The following EYS variants were observed in gnomAD, a reference collection of about 807,000 sequenced individuals.
The protein encoded by EYS is protein eyes shut homolog.
In EYS, 250 loss-of-function variants were observed where a neutral mutation model predicts 282.1. The ratio of observed to expected loss-of-function variants is 0.89; its 90% confidence interval spans 0.80 to 0.98. The LOEUF (loss-of-function observed/expected upper bound fraction) is 0.98. Ranked by LOEUF, EYS falls within the 50% of genes least tolerant of loss-of-function variation. The pLI, the probability that EYS is intolerant of heterozygous loss-of-function variation, is 0.00. For missense variants in EYS, 4,016 were observed against 3,709.0 expected (o/e 1.08, Z -2.15); for synonymous variants, 1,355 against 1,282.9 (o/e 1.06, Z -1.20).
chr6:65,051,945 C>A (rs896950624), intron 13 of EYS, among the ~76,000 whole-genome samples: 37 of 151,608 alleles, frequency 2.4e-4, no homozygotes, highest in Middle Eastern at 3.4e-3. Flanking sequence ...CAGCCCTATT[C>A]CTGAAATGCA....
chr6:63,799,009 AT>A (rs1770717153), intron 37 of EYS, among the ~76,000 whole-genome samples: 4 of 131,962 alleles, frequency 3.0e-5, no homozygotes, highest in African/African-American at 1.2e-4. Context: ...ATATATATAT[AT>A]ATATATATAT....
At chr6:64,092,310 C>A (rs1199179338) in intron 31 of EYS, among the ~76,000 whole-genome samples, 4 of 152,142 alleles carry the variant, frequency 2.6e-5, no homozygotes, top group Non-Finnish European at 5.9e-5. Context: ...AGTTGTAGAT[C>A]CCTGAGGAAT....
chr6:65,191,685 C>T (rs1765645399), intron 12 of EYS, among the ~76,000 whole-genome samples: 1 of 151,778 alleles, frequency 6.6e-6, no homozygotes, highest in African/African-American at 2.4e-5. Context: ...AGAAAATCAG[C>T]TTGTACATTA....
At chr6:64,452,973 C>A (rs1164911897) in intron 26 of EYS, among the ~76,000 whole-genome samples, 1 of 152,104 alleles carries the variant, frequency 6.6e-6, no homozygotes, top group Non-Finnish European at 1.5e-5. Flanking sequence ...TCTAAAACAC[C>A]AAAAGCAATG....
chr6:64,986,321 T>C (rs1770856738), intron 14 of EYS, among the ~76,000 whole-genome samples: 1 of 151,538 alleles, frequency 6.6e-6, no homozygotes, highest in African/African-American at 2.4e-5. Context: ...AAATAAAATA[T>C]ACACATATGT....
At chr6:65,383,206 A>T (rs1277396200) in intron 8 of EYS, among the ~76,000 whole-genome samples, 1 of 152,022 alleles carries the variant, frequency 6.6e-6, no homozygotes, top group African/African-American at 2.4e-5. Flanking sequence ...ATATTTTATA[A>T]CTTTATTTAT....
intron 30 of EYS, among the ~76,000 whole-genome samples, chr6:64,299,162 A>G (rs1404717819): frequency 1.3e-5 from 2 of 152,194 alleles, no homozygotes; most frequent in African/African-American, 4.8e-5. Flanking sequence ...AAGGAATGTA[A>G]GGGAGTTTAT....
chr6:64,709,862 A>G (rs1424244464), intron 22 of EYS, among the ~76,000 whole-genome samples: 1 of 152,220 alleles, frequency 6.6e-6, no homozygotes, highest in Non-Finnish European at 1.5e-5. Flanking sequence ...TTCTTTAGGC[A>G]TATTTTCAAA....
At chr6:64,519,356 C>T (rs550910289) in intron 26 of EYS, among the ~76,000 whole-genome samples, 3 of 151,802 alleles carry the variant, frequency 2.0e-5, no homozygotes, top group East Asian at 1.9e-4. Context: ...TTGTGTAAGT[C>T]GTTGTAAGTC....
intron 2 of EYS, among the ~76,000 whole-genome samples, chr6:65,553,484 C>T (rs1405941180): frequency 6.6e-6 from 1 of 151,970 alleles, no homozygotes; most frequent in East Asian, 1.9e-4. Context: ...AAAACGAGCA[C>T]AGAGAATTCA....
chr6:63,913,107 C>G (rs547300913), intron 35 of EYS, among the ~76,000 whole-genome samples: 22 of 152,250 alleles, frequency 1.4e-4, no homozygotes, highest in Non-Finnish European at 2.6e-4. Context: ...TTTTCTCAGG[C>G]TGAACCAGGG....
At chr6:64,008,436 C>G (rs879045160) in intron 33 of EYS, among the ~76,000 whole-genome samples, 1 of 152,042 alleles carries the variant, frequency 6.6e-6, no homozygotes, top group African/African-American at 2.4e-5. Context: ...ACTGTATGCC[C>G]TTTAATTGAG....
chr6:65,556,930 A>T (rs981021066), intron 2 of EYS, among the ~76,000 whole-genome samples: 4 of 152,220 alleles, frequency 2.6e-5, no homozygotes, highest in African/African-American at 9.6e-5. Context: ...AAAAGTAGAA[A>T]ACAAATACCA....
chr6:65,290,637 A>G (rs11962476), intron 12 of EYS, among the ~76,000 whole-genome samples: 29,642 of 151,218 alleles, frequency 0.2, 3,497 homozygotes, highest in Middle Eastern at 0.27. Flanking sequence ...AATACTTTCC[A>G]TATCTTTGTA....
At chr6:64,306,256 C>A (rs1444891870) in intron 30 of EYS, among the ~76,000 whole-genome samples, 1 of 152,136 alleles carries the variant, frequency 6.6e-6, no homozygotes, top group Non-Finnish European at 1.5e-5. Context: ...GAGGAGCAAC[C>A]TCACATTGAT....
intron 22 of EYS, among the ~76,000 whole-genome samples, chr6:64,744,940 A>T (rs1772503047): frequency 1.3e-5 from 2 of 152,250 alleles, no homozygotes; most frequent in Non-Finnish European, 2.9e-5. Flanking sequence ...GTTTGTTATT[A>T]AAAACTCTGG....
At chr6:64,703,427 ATAT>A (rs1409385335) in intron 22 of EYS, among the ~76,000 whole-genome samples, 757 of 28,402 alleles carry the variant, frequency 0.027, 22 homozygotes, top group African/African-American at 0.071. Context: ...ATATATATAT[ATAT>A]TTTTTTTTTT....
At chr6:65,397,471 T>C (rs1047296630) in intron 7 of EYS, among the ~76,000 whole-genome samples, 1 of 151,932 alleles carries the variant, frequency 6.6e-6, no homozygotes. Context: ...AAAGATTAGG[T>C]TTTTTACTTT....
intron 18 of EYS, among the ~76,000 whole-genome samples, chr6:64,891,183 C>T (rs991539923): frequency 1.3e-5 from 2 of 151,338 alleles, no homozygotes; most frequent in Admixed American, 1.3e-4. Flanking sequence ...AAAAAATCAT[C>T]GACATTAACA....
Sources: gnomAD v4.1 joint callset for allele counts (sites outside exome capture counted in the v4.1 genomes callset) on GRCh38, gnomAD v4.1.1 for gene constraint, MANE v1.5 for transcripts, NCBI Gene and HGNC (gene_info 2026-07-23, HGNC 2026-07-21) for gene names.